NEK5: variants seen among roughly 807,000 people sequenced by gnomAD.
NEK5 encodes NIMA related kinase 5, also known as serine/threonine-protein kinase Nek5.
In NEK5, 88 loss-of-function variants were observed where a neutral mutation model predicts 109.2. The observed-to-expected ratio is 0.81, with a 90% CI of 0.68 to 0.96. The LOEUF (loss-of-function observed/expected upper bound fraction) is 0.96. NEK5 is among the 40% of genes least tolerant of loss of function. NEK5 has a pLI of 0.00. For synonymous variants in NEK5, 283 were observed against 299.9 expected (o/e 0.94, Z 0.58); for missense variants, 834 against 920.7 (o/e 0.91, Z 1.22).
intron 23 of NEK5, among the ~76,000 whole-genome samples, chr13:52,045,140 T>C: frequency 6.8e-6 from 1 of 146,508 alleles, no homozygotes; most frequent in East Asian, 2.0e-4. Flanking sequence ...CTTTTTTTTT[T>C]TTTTTTTTTG....
intron 1 of NEK5, among the ~76,000 whole-genome samples, chr13:52,128,637 C>T (rs1281977475): frequency 1.3e-5 from 2 of 152,112 alleles, no homozygotes; most frequent in African/African-American, 4.8e-5. Context: ...GCTGCAGACA[C>T]CGGAGGATCG....
chr13:52,056,306 A>G (rs1261021504), intron 22 of NEK5, among the ~76,000 whole-genome samples: 8 of 152,184 alleles, frequency 5.3e-5, no homozygotes, highest in Admixed American at 1.3e-4. Flanking sequence ...GCAAGTCCTG[A>G]GCCACCTACA....
chr13:52,059,969 AAAAT>A (rs1179302287), intron 22 of NEK5, among the ~76,000 whole-genome samples: 2 of 151,264 alleles, frequency 1.3e-5, no homozygotes, highest in Non-Finnish European at 3.0e-5. Context: ...AAAAAATAAA[AAAAT>A]AATAATAATC....
rs767404517 is a variant in NEK5, at chr13:52,086,332, T to G, written c.1424A>C (p.Gln475Pro). ...TTCTTTCATGTCATTGTGGTACTGT[T>G]GGCGTATTTCCTCTAACTGCTTCCA... is the stretch of plus-strand genomic sequence containing the variant. The part of the protein sequence containing the change: ...EYWKQLEEIR[Q>P]QYHNDMKEIR... The change falls in exon 16 of 24, where the codon CAA becomes CCA. Residue 475 changes from glutamine (Q) to proline (P), a missense_variant. By Grantham distance (76) the Gln-to-Pro change is moderately conservative. This residue lies in a region of NEK5 where 777 missense variants were observed against 824.7 expected (regional missense o/e 0.94). Transcript: ENST00000684899. The G allele has an allele frequency of 3.7e-6, 6 of 1,613,004 alleles. No individual in the cohort carries two copies. In the East Asian group the frequency reaches 6.7e-5, roughly 18 times the overall value.
chr13:52,056,136 G>C (rs1382090003), intron 22 of NEK5, among the ~76,000 whole-genome samples: 2 of 151,976 alleles, frequency 1.3e-5, no homozygotes, highest in African/African-American at 4.8e-5. Flanking sequence ...AAAAAAGGCA[G>C]GGTTGCAATC....
chr13:52,119,550 G>A, intron 3 of NEK5, 135 bp from the exon 4 acceptor site: 1 of 503,962 alleles, frequency 2.0e-6, no homozygotes, highest in Non-Finnish European at 3.6e-6. Flanking sequence ...TCTTTCAATG[G>A]CAGGAAACAA....
In NEK5 at chr13:52,124,170, C is replaced by T. The variant is rs1954412950; in HGVS notation, c.117+3196G>A. Among the ~76,000 whole-genome samples the T allele has an allele frequency of 2.0e-5, 3 of 152,128 alleles. No homozygotes were observed. The South Asian group carries it at 6.2e-4, about 32-fold the overall frequency. ...AATTAGCTGGGTGTGGTGGCGCATG[C>T]CTGCAGTCCTAGCTACTCAGGAGGC... On this transcript the variant is annotated intron_variant, in intron 3 of 23. Transcript: ENST00000684899.
intron 23 of NEK5, among the ~76,000 whole-genome samples, chr13:52,044,147 T>G (rs1308973796): frequency 6.6e-6 from 1 of 152,238 alleles, no homozygotes; most frequent in Non-Finnish European, 1.5e-5. Context: ...CTATGCTGGA[T>G]GCTTCCTGCC....
Position 52,065,481 on chromosome 13 carries a change from C to G in NEK5, c.1975+3G>C. Reference sequence around the variant, plus strand: ...TGACGACTGACGCTAAGCACAGACTCACTGTCAGGCCCCGTGGGGCAGGTG... The same window carrying G: ...TGACGACTGACGCTAAGCACAGACTGACTGTCAGGCCCCGTGGGGCAGGTG... On this transcript the variant is annotated splice_donor_region_variant and intron_variant, in intron 21 of 23. Transcript: ENST00000684899. 1 of 1,614,132 alleles carries G rather than the reference C, an allele frequency of 6.2e-7. No homozygotes were observed. The highest frequency in any genetic ancestry group is 1.3e-5 in the African/African-American group (1 of 75,060).
Position 52,083,292 on chromosome 13 carries a change from G to T in NEK5, c.1540C>A (p.Gln514Lys). ...LVKKSNLPVH[Q>K]DASEGEAPVQ... ...GGTGCTTCTCCCTCAGATGCATCTTGATGGACAGGCAGGTTACTCTTCTTC... is the reference window on the plus strand; with the variant it reads ...GGTGCTTCTCCCTCAGATGCATCTTTATGGACAGGCAGGTTACTCTTCTTC... Residue 514 changes from glutamine to lysine, a missense_variant, in exon 17 of 24, where the codon CAA becomes AAA. Gln to Lys is a moderately conservative substitution (Grantham distance 53). This residue lies in a region of NEK5 where 777 missense variants were observed against 824.7 expected (regional missense o/e 0.94). Coordinates refer to ENST00000684899, the MANE Select transcript of NEK5 (RefSeq NM_001365552.1). 6.2e-7 allele frequency: 1 copy of T among 1,613,204 alleles called. No homozygotes were observed. Among genetic ancestry groups the T allele is most frequent in the Non-Finnish European group, 8.5e-7 (1 of 1,179,186 alleles).
chr13:52,096,807 A>G (rs1955426170), intron 12 of NEK5, among the ~76,000 whole-genome samples: 1 of 152,208 alleles, frequency 6.6e-6, no homozygotes, highest in African/African-American at 2.4e-5. Context: ...GAGGAGTCAA[A>G]TGTTGTTAGC....
At chr13:52,093,013 T>A (rs201813265) in intron 13 of NEK5, 41 bp downstream of exon 13, 13 of 1,347,682 alleles carry the variant, frequency 9.6e-6, no homozygotes, top group East Asian at 2.3e-5. Context: ...TATAAAGATA[T>A]TTTTAGATTA....
chr13:52,035,230 T>A lies in NEK5; in HGVS notation c.*1718A>T, dbSNP rs1046896228. 6.6e-6 allele frequency: 1 copy of A among 152,046 alleles called. No homozygotes were observed. The highest frequency in any genetic ancestry group is 2.4e-5 in the African/African-American group (1 of 41,430). The allele number at this position is 152,046 out of a possible 1,614,324, so 9.4% of individuals were successfully genotyped here. On this transcript the variant is annotated 3_prime_UTR_variant, in exon 24 of 24. Coordinates refer to ENST00000684899, the MANE Select transcript of NEK5 (RefSeq NM_001365552.1). ...ACTCTACACCAAGTTGAAAGAACAG[T>A]CTGTCAAACATCAGGAAATAGTCAC... is the stretch of plus-strand genomic sequence containing the variant.
intron 17 of NEK5, among the ~76,000 whole-genome samples, chr13:52,079,323 C>CCCCTG: frequency 1.2e-5 from 1 of 80,926 alleles, no homozygotes; most frequent in Admixed American, 1.3e-4. Context: ...CCTCTCCCCT[C>CCCCTG]TTTCCACGGT....
At chr13:52,080,701 G>A (rs985299081) in intron 17 of NEK5, among the ~76,000 whole-genome samples, 34 of 151,854 alleles carry the variant, frequency 2.2e-4, no homozygotes, top group South Asian at 6.2e-4. Context: ...CAGCATGCTC[G>A]TTAAGAGTCA....
chr13:52,116,396 C>T (rs1230443870), intron 4 of NEK5, among the ~76,000 whole-genome samples: 1 of 152,028 alleles, frequency 6.6e-6, no homozygotes, highest in Non-Finnish European at 1.5e-5. Flanking sequence ...CTCTTTCTGG[C>T]CAGGCACAGT....
At chr13:52,100,492 C>T (rs762439076) in intron 11 of NEK5, among the ~76,000 whole-genome samples, 16 of 152,196 alleles carry the variant, frequency 1.1e-4, no homozygotes, top group Non-Finnish European at 1.6e-4. Context: ...AAACTCCTGG[C>T]CTCCGGTGAC....
At chr13:52,072,111 T>C in intron 19 of NEK5, 41 bp from the exon 20 acceptor site, 7 of 1,543,716 alleles carry the variant, frequency 4.5e-6, no homozygotes, top group Non-Finnish European at 6.2e-6. Flanking sequence ...ATTAGCCATA[T>C]TTTGAAAGAA....
At chr13:52,039,587 TG>T (rs1325516899) in intron 23 of NEK5, among the ~76,000 whole-genome samples, 12 of 152,220 alleles carry the variant, frequency 7.9e-5, no homozygotes, top group Admixed American at 6.5e-4. Context: ...GGAATTGATT[TG>T]CATATTGTTT....
Sources: gnomAD v4.1 joint callset for allele counts (sites outside exome capture counted in the v4.1 genomes callset) on GRCh38, gnomAD v4.1.1 for gene constraint, gnomAD v4.1.1 regional missense constraint, MANE v1.5 for transcripts, NCBI Gene and HGNC (gene_info 2026-07-23, HGNC 2026-07-21) for gene names.